Variants in NELL1 observed in about 807,000 individuals in gnomAD.
NELL1 encodes the protein protein kinase C-binding protein NELL1.
NELL1 carries 76 observed loss-of-function variants against 107.4 expected under a neutral mutation model. The observed-to-expected ratio is 0.71, with a 90% CI of 0.59 to 0.86. The LOEUF is 0.86. Among genes scored for constraint, NELL1 ranks in the 40% least tolerant of loss-of-function variants. The pLI, the probability that NELL1 is intolerant of heterozygous loss-of-function variation, is 0.00. For synonymous variants in NELL1, 353 were observed against 341.2 expected, an observed-to-expected ratio of 1.03 and a Z score of -0.38; for missense variants, 1,024 against 1,005.5, an observed-to-expected ratio of 1.02 and a Z score of -0.25.
At chr11:20,951,679 G>A (rs1851071057) in intron 11 of NELL1, among the ~76,000 whole-genome samples, 1 of 152,152 alleles carries the variant, frequency 6.6e-6, no homozygotes, top group Non-Finnish European at 1.5e-5. Context: ...TATAGAATTG[G>A]TAGGGAAGAA....
Position 20,753,808 on chromosome 11 carries a change from C to T in NELL1, c.185-29872C>T, listed in dbSNP as rs144894494. ...GCTGGCTATATTTAGGCAGGCTGTC[C>T]CCATAGGAGCAAAGTGGTCCCTAGG... On this transcript the variant is annotated intron_variant, in intron 2 of 19. Coordinates refer to ENST00000357134, the MANE Select transcript of NELL1 (RefSeq NM_006157.5). 2.9e-3 allele frequency among the ~76,000 whole-genome samples: 443 copies of T among 152,214 alleles called. 2 individuals are homozygous for T. The highest frequency in any genetic ancestry group is 9.9e-3 in the African/African-American group (413 of 41,516).
intron 15 of NELL1, among the ~76,000 whole-genome samples, chr11:21,381,249 A>G (rs569234483): frequency 6.6e-6 from 1 of 152,008 alleles, no homozygotes; most frequent in African/African-American, 2.4e-5. Flanking sequence ...ATTGTTTTAC[A>G]TATTCCTTTC....
At chr11:21,565,506 G>A (rs1188406332) in intron 17 of NELL1, among the ~76,000 whole-genome samples, 1 of 151,852 alleles carries the variant, frequency 6.6e-6, no homozygotes, top group African/African-American at 2.4e-5. Context: ...AGTAGATCTG[G>A]GGTGGGGTGC....
chr11:21,107,723 T>G (rs2040315), intron 12 of NELL1, among the ~76,000 whole-genome samples: 49,802 of 152,028 alleles, frequency 0.33, 8,836 homozygotes, highest in African/African-American at 0.45. Context: ...GAAGCAGGCT[T>G]GTATGATGTG....
intron 16 of NELL1, among the ~76,000 whole-genome samples, chr11:21,539,389 G>A (rs930664765): frequency 6.6e-6 from 1 of 152,010 alleles, no homozygotes; most frequent in Non-Finnish European, 1.5e-5. Context: ...AAGGACAGAG[G>A]GCCAGTGTGA....
rs1274653121 is a variant in NELL1, at chr11:21,575,191, C to T, written c.*169C>T. On this transcript the variant is annotated 3_prime_UTR_variant, in exon 20 of 20. Coordinates refer to ENST00000357134, the MANE Select transcript of NELL1 (RefSeq NM_006157.5). ...GTTTGGAGGTTGCCTTTTGGACCTA[C>T]CACTTTGCTCATTCTTGCTAACCTA... 4.9e-6 allele frequency: 3 copies of T among 613,902 alleles called. No homozygotes were observed. The highest frequency in any genetic ancestry group is 3.7e-5 in the African/African-American group (2 of 54,086). The allele number at this position is 613,902 out of a possible 1,614,324, so 38.0% of individuals were successfully genotyped here.
intron 12 of NELL1, among the ~76,000 whole-genome samples, chr11:21,062,884 T>A (rs1352341492): frequency 6.6e-6 from 1 of 152,094 alleles, no homozygotes; most frequent in Non-Finnish European, 1.5e-5. Context: ...CTGGGGTGCA[T>A]TGGCACAATC....
intron 3 of NELL1, among the ~76,000 whole-genome samples, chr11:20,787,058 A>G (rs544357959): frequency 4.0e-5 from 6 of 150,912 alleles, no homozygotes; most frequent in Non-Finnish European, 7.4e-5. Context: ...CACTTGCAAG[A>G]GAGCCAAGCA....
chr11:21,487,861 A>G (rs1016538866), intron 15 of NELL1, among the ~76,000 whole-genome samples: 4 of 152,208 alleles, frequency 2.6e-5, no homozygotes, highest in Admixed American at 2.0e-4. Flanking sequence ...ACAGAAGCTA[A>G]CAACCGGGAG....
intron 15 of NELL1, among the ~76,000 whole-genome samples, chr11:21,446,395 T>G (rs1260550516): frequency 7.0e-6 from 1 of 143,748 alleles, no homozygotes; most frequent in Non-Finnish European, 1.5e-5. Flanking sequence ...CATTTTATGC[T>G]GTGTGTGTTC....
rs1854015697 is a variant in NELL1 at position 20,674,943 on chromosome 11, C to A, written c.56-2989C>A. On this transcript the variant is annotated intron_variant, in intron 1 of 19. Coordinates refer to ENST00000357134, the MANE Select transcript of NELL1 (RefSeq NM_006157.5). ...ATTTTGTATAACAAATAACCCCAAA[C>A]TCAGTGGCTTAAAGCAAACCATTGA... Among the ~76,000 whole-genome samples, 4 of 152,186 alleles carry A rather than the reference C, an allele frequency of 2.6e-5. No homozygotes were observed. In the South Asian group the frequency reaches 8.3e-4, roughly 32 times the overall value.
At chr11:21,397,852 C>A (rs1236656504) in intron 15 of NELL1, among the ~76,000 whole-genome samples, 1 of 151,388 alleles carries the variant, frequency 6.6e-6, no homozygotes, top group African/African-American at 2.4e-5. Context: ...ATTAGAGGCC[C>A]AAGGGAGACT....
At chr11:21,167,796 C>T (rs1004741181) in intron 13 of NELL1, among the ~76,000 whole-genome samples, 1 of 151,708 alleles carries the variant, frequency 6.6e-6, no homozygotes, top group Admixed American at 6.6e-5. Context: ...GTCTCTTTCC[C>T]CATTGTTTCA....
chr11:21,215,410 T>C (rs905913601), intron 13 of NELL1, among the ~76,000 whole-genome samples: 2 of 152,092 alleles, frequency 1.3e-5, no homozygotes, highest in African/African-American at 4.8e-5. Context: ...ATCCAGTAAA[T>C]TGGTGTAGAG....
At chr11:20,781,584 T>C (rs1277141420) in intron 2 of NELL1, among the ~76,000 whole-genome samples, 1 of 152,148 alleles carries the variant, frequency 6.6e-6, no homozygotes, top group Non-Finnish European at 1.5e-5. Context: ...AGCTTTACAA[T>C]CCTGAAATTC....
chr11:21,428,804 A>T (rs190501252), intron 15 of NELL1, among the ~76,000 whole-genome samples: 300 of 152,334 alleles, frequency 2.0e-3, no homozygotes, highest in African/African-American at 6.8e-3. Context: ...AAAGCTATTA[A>T]AGCACATGTA....
At chr11:21,198,458 TG>T (rs1305071817) in intron 13 of NELL1, among the ~76,000 whole-genome samples, 1 of 152,208 alleles carries the variant, frequency 6.6e-6, no homozygotes, top group Non-Finnish European at 1.5e-5. Flanking sequence ...TGTCCATTTT[TG>T]GAAAATCTGC....
chr11:21,342,521 G>A (rs1422448916), intron 14 of NELL1, among the ~76,000 whole-genome samples: 1 of 151,666 alleles, frequency 6.6e-6, no homozygotes, highest in African/African-American at 2.4e-5. Context: ...GCATGTGCCT[G>A]TAGTTACAGC....
chr11:20,885,584 T>C (rs764153071), intron 5 of NELL1, 44 bp downstream of exon 5: 1 of 1,184,214 alleles, frequency 8.4e-7, no homozygotes, highest in Non-Finnish European at 1.3e-6. Context: ...ATATAGGCGA[T>C]GCTCAGTTTT....
Sources: gnomAD v4.1 joint callset for allele counts (sites outside exome capture counted in the v4.1 genomes callset) on GRCh38, gnomAD v4.1.1 for gene constraint, MANE v1.5 for transcripts, NCBI Gene and HGNC (gene_info 2026-07-23, HGNC 2026-07-21) for gene names.